Variants in PITPNM2 observed in about 807,000 individuals in gnomAD.
The protein encoded by PITPNM2 is membrane-associated phosphatidylinositol transfer protein 2.
In PITPNM2, 35 loss-of-function variants were observed where a neutral mutation model predicts 132.2. The observed-to-expected ratio is 0.26, with a 90% CI of 0.20 to 0.35. The LOEUF (loss-of-function observed/expected upper bound fraction) is 0.35. Ranked by LOEUF, PITPNM2 falls within the 10% of genes least tolerant of loss-of-function variation. The probability of loss-of-function intolerance (pLI) is 1.00; values close to 1 mark genes in which losing one functional copy is unlikely to be tolerated. For missense variants in PITPNM2, 1,332 were observed against 1,912.0 expected (o/e 0.70, Z 5.66); for synonymous variants, 738 against 799.2 (o/e 0.92, Z 1.29).
At chr12:123,143,154 G>T (rs958462263) in intron 1 of PITPNM2, among the ~76,000 whole-genome samples, 2 of 117,744 alleles carry the variant, frequency 1.7e-5, no homozygotes, top group African/African-American at 6.6e-5. Context: ...CCCTCCAAGG[G>T]GCTGTCTAGA....
At chr12:123,034,274 C>T (rs566125522) in intron 3 of PITPNM2, 25 of 515,990 alleles carry the variant, frequency 4.8e-5, no homozygotes, top group Admixed American at 1.9e-4. Context: ...CAAGTGTTCG[C>T]GTTGTAGGCG....
intron 20 of PITPNM2, 101 bp from the exon 21 acceptor site, chr12:122,988,002 T>A (rs2038012085): frequency 1.8e-6 from 2 of 1,107,428 alleles, no homozygotes; most frequent in African/African-American, 1.6e-5. Flanking sequence ...GCTTGAGCTG[T>A]GAGCTGCGCA....
intron 3 of PITPNM2, among the ~76,000 whole-genome samples, chr12:123,016,881 T>TA (rs1342105022): frequency 6.6e-6 from 1 of 150,790 alleles, no homozygotes; most frequent in South Asian, 2.1e-4. Context: ...CTGTCTCTAC[T>TA]AAAAAAATAC....
chr12:123,001,903 C>T (rs907020643), intron 8 of PITPNM2, among the ~76,000 whole-genome samples: 6 of 151,704 alleles, frequency 4.0e-5, no homozygotes, highest in Non-Finnish European at 7.4e-5. Flanking sequence ...TGGTGGTGTG[C>T]GCCTGTAGTC....
rs73413279 is a variant in PITPNM2, at chr12:123,130,044, C to T, written c.-199-19556G>A. Among the ~76,000 whole-genome samples, 981 of 152,112 alleles carry T rather than the reference C, an allele frequency of 6.4e-3. 14 individuals carry two copies. The highest frequency in any genetic ancestry group is 0.022 in the African/African-American group (925 of 41,502). On this transcript the variant is annotated intron_variant, in intron 1 of 25. Coordinates refer to ENST00000320201, the MANE Select transcript of PITPNM2 (RefSeq NM_020845.3). ...CTTGGCCTCCCAAGTGCTGGGACTA[C>T]AGGTACACACCACCATACCCAGCTA...
intron 2 of PITPNM2, chr12:123,088,058 G>A (rs1004143095): frequency 2.0e-5 from 3 of 152,228 alleles, no homozygotes; most frequent in Non-Finnish European, 4.4e-5. Context: ...TTCGTGTCGA[G>A]TCCAGCGTCT....
chr12:123,137,402 G>C (rs527353677), intron 1 of PITPNM2, among the ~76,000 whole-genome samples: 33 of 152,290 alleles, frequency 2.2e-4, no homozygotes, highest in Non-Finnish European at 3.7e-4. Context: ...GTGGGCAGAA[G>C]AAGGCTGTGC....
chr12:123,056,641 C>T (rs2041037906), intron 2 of PITPNM2, among the ~76,000 whole-genome samples: 2 of 151,982 alleles, frequency 1.3e-5, no homozygotes, highest in South Asian at 2.1e-4. Flanking sequence ...TCTAACAAGC[C>T]CTCCTGGGTT....
chr12:123,151,426 C>T (rs1292206220), upstream of PITPNM2, among the ~76,000 whole-genome samples: 1 of 152,148 alleles, frequency 6.6e-6, no homozygotes, highest in Admixed American at 6.5e-5. Context: ...CTTGCGGCCA[C>T]TGTGACTCTT....
intron 2 of PITPNM2, among the ~76,000 whole-genome samples, chr12:123,065,312 C>T (rs1336368565): frequency 6.6e-6 from 1 of 152,266 alleles, no homozygotes; most frequent in African/African-American, 2.4e-5. Context: ...GGCAGCAGGA[C>T]TCAGCTCATC....
In PITPNM2 at chr12:123,077,195, G is replaced by A. The variant is rs182963404; in HGVS notation, c.-96+33190C>T. On this transcript the variant is annotated intron_variant, in intron 2 of 25. Coordinates refer to ENST00000320201, the MANE Select transcript of PITPNM2 (RefSeq NM_020845.3). The surrounding 1 kb of genome is among the most constrained non-coding windows in gnomAD (Gnocchi z 4.8). ...TGCTATCCAGACAGACACACTGGCA[G>A]GGCCGCTCTGCCTGAAGCCAGCCAG... Among the ~76,000 whole-genome samples, 101 of 152,296 alleles carry A rather than the reference G, an allele frequency of 6.6e-4. No individual in the cohort carries two copies. Among genetic ancestry groups the A allele is most frequent in the Non-Finnish European group, 1.1e-3 (78 of 68,022 alleles).
intron 2 of PITPNM2, among the ~76,000 whole-genome samples, chr12:123,104,425 T>C (rs2042643357): frequency 6.6e-6 from 1 of 152,230 alleles, no homozygotes; most frequent in Non-Finnish European, 1.5e-5. Context: ...CCTTAACTGA[T>C]GACATTCCAC....
chr12:123,076,866 TTCCATCAACACGGGAGCTGTTCTTG>T (rs1365652813), intron 2 of PITPNM2, among the ~76,000 whole-genome samples: 1 of 152,142 alleles, frequency 6.6e-6, no homozygotes, highest in African/African-American at 2.4e-5. Context: ...GGCCCTCACT[TTCCATCAACACGGGAGCTGTTCTTG>T]TTGACAACCA....
At chr12:123,034,377 C>T in intron 3 of PITPNM2, 136 bp downstream of exon 3, 1 of 795,808 alleles carries the variant, frequency 1.3e-6, no homozygotes, top group South Asian at 1.6e-5. Context: ...GGGTCCAGCA[C>T]AATTCACACT....
At chr12:123,016,039 A>G (rs928318667) in intron 3 of PITPNM2, among the ~76,000 whole-genome samples, 3 of 152,146 alleles carry the variant, frequency 2.0e-5, no homozygotes, top group African/African-American at 4.8e-5. Context: ...CAAAACCACA[A>G]TGAGGGCCAA....
At position 123,150,941 on chromosome 12, in the gene PITPNM2, AGGCGGGCGGCGGCGGCGCACGTGCT is replaced by A. The variant is rs1169393729; in HGVS notation, c.-413_-389del. 7.6e-5 allele frequency among the ~76,000 whole-genome samples: 11 copies of A among 144,180 alleles called. No individual in the cohort carries two copies. The highest frequency in any genetic ancestry group is 9.2e-5 in the Non-Finnish European group (6 of 65,242). 94.6% of individuals were successfully genotyped at this position (144,180 alleles called of 152,430 possible). A position where few individuals can be genotyped will look rare whatever the true frequency, so the allele number is the denominator to read the frequency against. ...GGCGGGCATTGCTCCCGAGCGTCGC[AGGCGGGCGGCGGCGGCGCACGTGCT>A]GGCGGGCGGCTCTCGCTGAGGCGGC... On this transcript the variant is annotated 5_prime_UTR_variant, in exon 1 of 26. Transcript: ENST00000320201. The surrounding 1 kb of genome is among the most constrained non-coding windows in gnomAD (Gnocchi z 6.0).
In PITPNM2 at chr12:123,150,935, C is replaced by A. The variant is rs1325618482; in HGVS notation, c.-382G>T. Among the ~76,000 whole-genome samples the A allele has an allele frequency of 6.9e-6, 1 of 145,752 alleles. No homozygotes were observed. Among genetic ancestry groups the A allele is most frequent in the East Asian group, 2.0e-4 (1 of 5,000 alleles). ...AGCCCCGGCGGGCATTGCTCCCGAG[C>A]GTCGCAGGCGGGCGGCGGCGGCGCA... On this transcript the variant is annotated 5_prime_UTR_variant, in exon 1 of 26. Transcript: ENST00000320201. This position sits in a 1 kb window ranked among gnomAD's most constrained non-coding sequence, Gnocchi z 6.0.
At position 123,117,599 on chromosome 12, in the gene PITPNM2, G is replaced by A. The variant is rs1170372095; in HGVS notation, c.-199-7111C>T. On this transcript the variant is annotated intron_variant, in intron 1 of 25. Transcript: ENST00000320201. The surrounding 1 kb of genome is among the most constrained non-coding windows in gnomAD (Gnocchi z 4.7). ...TACAATCCTATGATTTGGACAGAAG[G>A]GAATACTGACCTGTAATCCAAAGCC... Among the ~76,000 whole-genome samples the A allele has an allele frequency of 6.6e-6, 1 of 152,158 alleles. No individual in the cohort carries two copies.
chr12:123,076,581 T>C (rs966095030), intron 2 of PITPNM2, among the ~76,000 whole-genome samples: 2 of 152,212 alleles, frequency 1.3e-5, no homozygotes, highest in African/African-American at 2.4e-5. Context: ...ATTCACTTTG[T>C]GAGCCAATTC....
Sources: allele counts gnomAD v4.1 joint callset (sites outside exome capture counted in the v4.1 genomes callset), GRCh38; gene constraint gnomAD v4.1.1; non-coding constraint Gnocchi (gnomAD v3.1); transcripts MANE v1.5; gene names NCBI Gene and HGNC (gene_info 2026-07-23, HGNC 2026-07-21).